GDF10: variants seen among roughly 807,000 people sequenced by gnomAD.
GDF10 encodes growth differentiation factor 10.
A neutral mutation model predicts 32.1 loss-of-function variants in GDF10; 23 were observed. The ratio of observed to expected loss-of-function variants is 0.72; its 90% CI spans 0.52 to 1.02. GDF10 has a LOEUF of 1.02. Ranked by LOEUF, GDF10 falls within the 50% of genes least tolerant of loss-of-function variation. The pLI is 0.00. For missense variants in GDF10, 764 were observed against 673.9 expected (o/e 1.13, Z -1.48); for synonymous variants, 328 against 303.1 (o/e 1.08, Z -0.85).
rs782087490 is a variant in GDF10, at chr10:47,300,688, G to A, written c.37G>A (p.Gly13Arg). The change falls in exon 1 of 3, where the codon GGG becomes AGG. Residue 13 changes from glycine (G) to arginine (R), a missense_variant. Transcript: ENST00000580279. ...CCCCGCTCGGACCAGCCCGGGACCC[G>A]GGCCCCAGCTGCTGCTGCTGCTGCT... ...HVPARTSPGP[G>R]PQLLLLLLPL... is the part of the protein sequence containing the mutation. 6.2e-7 allele frequency: 1 copy of A among 1,602,826 alleles called. No homozygotes were observed. The highest frequency in any genetic ancestry group is 8.5e-7 in the Non-Finnish European group (1 of 1,176,592).
chr10:47,310,392 C>A lies in GDF10; in HGVS notation c.916C>A (p.Leu306Met), dbSNP rs2061040838. Residue 306 changes from leucine to methionine, a missense_variant, in exon 2 of 3, where the codon CTG (leucine) becomes ATG (methionine). Physicochemically the swap from Leu to Met is conservative, Grantham distance 15. Transcript: ENST00000580279. ...CCTCCAGGACAACGAGCTGCCGGGG[C>A]TGGATGAGAGGCCGCCGCGCGCCCA... ...GPLQDNELPG[L>M]DERPPRAHAQ... The A allele has an allele frequency of 1.2e-6, 2 of 1,609,214 alleles. No homozygotes were observed. The highest frequency in any genetic ancestry group is 2.2e-5 in the East Asian group (1 of 44,780).
chr10:47,302,050 G>A (rs1335164652), intron 1 of GDF10, among the ~76,000 whole-genome samples: 1 of 152,202 alleles, frequency 6.6e-6, no homozygotes, highest in Non-Finnish European at 1.5e-5. Context: ...AGACTCACCA[G>A]GTCAGTGGCC....
chr10:47,300,866 A>G lies in GDF10; in HGVS notation c.215A>G (p.Gln72Arg). ...DAAATLGPSA[Q>R]DMVAVHMHRL... is the part of the protein sequence containing the mutation. ...GCCGCCACGTTGGGCCCCAGCGCCC[A>G]GGACATGGTCGCTGTCCACATGCAC... Residue 72 changes from glutamine to arginine, a missense_variant, in exon 1 of 3, where the codon CAG becomes CGG. Transcript: ENST00000580279. 2.5e-6 allele frequency: 4 copies of G among 1,587,816 alleles called. No homozygotes were observed. Among genetic ancestry groups the G allele is most frequent in the Non-Finnish European group, 3.4e-6 (4 of 1,174,778 alleles).
At chr10:47,307,984 C>G (rs1332060510) in intron 1 of GDF10, among the ~76,000 whole-genome samples, 6 of 152,176 alleles carry the variant, frequency 3.9e-5, no homozygotes, top group Admixed American at 3.9e-4. Flanking sequence ...AGGCTGTTGT[C>G]CCTGTGAGGC....
chr10:47,304,996 A>C (rs1318511266), intron 1 of GDF10, among the ~76,000 whole-genome samples: 1 of 152,176 alleles, frequency 6.6e-6, no homozygotes, highest in Non-Finnish European at 1.5e-5. Context: ...TTCTGGGACC[A>C]CTGTTGTGGT....
At chr10:47,302,245 G>A (rs1191574262) in intron 1 of GDF10, among the ~76,000 whole-genome samples, 1 of 152,208 alleles carries the variant, frequency 6.6e-6, no homozygotes, top group Admixed American at 6.5e-5. Flanking sequence ...AAATGGGCAA[G>A]GCTTGCCAAT....
intron 1 of GDF10, among the ~76,000 whole-genome samples, chr10:47,305,644 A>G (rs1381216398): frequency 2.6e-5 from 4 of 152,108 alleles, no homozygotes; most frequent in Non-Finnish European, 4.4e-5. Flanking sequence ...GAATCTTTTT[A>G]TATAGGGCAG....
At chr10:47,306,038 C>A (rs1024192637) in intron 1 of GDF10, among the ~76,000 whole-genome samples, 8 of 152,242 alleles carry the variant, frequency 5.3e-5, no homozygotes, top group African/African-American at 1.9e-4. Flanking sequence ...GTACAAGCCC[C>A]GACTCCACCC....
chr10:47,303,974 G>C (rs2061013634), intron 1 of GDF10, among the ~76,000 whole-genome samples: 1 of 152,336 alleles, frequency 6.6e-6, no homozygotes, highest in African/African-American at 2.4e-5. Flanking sequence ...GTAAGCAGCA[G>C]AATAGGGCAG....
chr10:47,309,688 G>T lies in GDF10; in HGVS notation c.320-108G>T, dbSNP rs2061035916. 7.1e-6 allele frequency: 5 copies of T among 707,354 alleles called. No individual in the cohort carries two copies. The Admixed American group carries it at 7.8e-5, about 11-fold the overall frequency. 43.8% of individuals were successfully genotyped at this position (707,354 alleles called of 1,614,324 possible). ...GGAAGCAAAGCGGGGGAGGAGGATG[G>T]TCCTGAAAGTGTGGATCGGTGGGCG... On this transcript the variant is annotated intron_variant, in intron 1 of 2. Transcript: ENST00000580279.
In GDF10 at chr10:47,310,216, A is replaced by G. The variant is rs1555207555; in HGVS notation, c.740A>G (p.Tyr247Cys). ...CCCTATGCGCCCTACATCCTAGTCTATGCCAACGATCTGGCCATCTCGGAG... is the reference window on the plus strand; with the variant it reads ...CCCTATGCGCCCTACATCCTAGTCTGTGCCAACGATCTGGCCATCTCGGAG... ...PSPYAPYILV[Y>C]ANDLAISEPN... Residue 247 changes from tyrosine to cysteine, a missense_variant, in exon 2 of 3, where the codon TAT (tyrosine) becomes TGT (cysteine). Transcript: ENST00000580279. The G allele has an allele frequency of 5.6e-6, 9 of 1,610,790 alleles. No homozygotes were observed. The highest frequency in any genetic ancestry group is 7.6e-6 in the Non-Finnish European group (9 of 1,178,788).
Position 47,312,967 on chromosome 10 carries a change from A to T in GDF10, c.*175A>T. On this transcript the variant is annotated 3_prime_UTR_variant, in exon 3 of 3. Transcript: ENST00000580279. ...ATTAGGGGGTCTTTCATTGCTAGTG[A>T]CTAGCCCCTTAAATGCCAGCCTGAG... 1 of 450,078 alleles carries T rather than the reference A, an allele frequency of 2.2e-6. No individual in the cohort carries two copies. The highest frequency in any genetic ancestry group is 3.9e-6 in the Non-Finnish European group (1 of 256,334). The allele number at this position is 450,078 out of a possible 1,614,324, so 27.9% of individuals were successfully genotyped here.
Position 47,309,945 on chromosome 10 carries a change from G to A in GDF10, c.469G>A (p.Ala157Thr), listed in dbSNP as rs919237814. The A allele has an allele frequency of 2.5e-6, 4 of 1,612,552 alleles. No individual in the cohort carries two copies. In the East Asian group the frequency reaches 6.7e-5, roughly 27 times the overall value. Residue 157 changes from alanine (A) to threonine (T), a missense_variant, in exon 2 of 3, where the codon GCT becomes ACT. By Grantham distance (58) the Ala-to-Thr change is moderately conservative. Coordinates refer to ENST00000580279, the MANE Select transcript of GDF10 (RefSeq NM_004962.5). ...EVLCKPRAKNASGRPLPLGPP... is the reference protein window; with the variant it reads ...EVLCKPRAKNTSGRPLPLGPP... Reference sequence around the variant, plus strand: ...GCTATGCAAGCCGCGGGCCAAGAACGCTTCAGGCCGCCCGCTGCCCCTGGG... The same window carrying A: ...GCTATGCAAGCCGCGGGCCAAGAACACTTCAGGCCGCCCGCTGCCCCTGGG...
chr10:47,304,016 G>T (rs2061013792), intron 1 of GDF10, among the ~76,000 whole-genome samples: 1 of 152,170 alleles, frequency 6.6e-6, no homozygotes. Context: ...AAGAAGGAGG[G>T]CAGGGGTGCT....
In GDF10 at chr10:47,309,827, C is replaced by T. The variant is rs1555207409; in HGVS notation, c.351C>T (p.Phe117=). The change falls in exon 2 of 3, where the codon TTC becomes TTT. Residue 117 remains phenylalanine, a synonymous_variant. Transcript: ENST00000580279. ...EVVDQKAVYF[F]NLTSMQDSEM... ...TCGACCAGAAGGCCGTGTATTTCTT[C>T]AACCTGACTTCCATGCAAGACTCGG... 6 of 1,612,180 alleles carry T rather than the reference C, an allele frequency of 3.7e-6. No homozygotes were observed. The highest frequency in any genetic ancestry group is 5.1e-6 in the Non-Finnish European group (6 of 1,179,190).
intron 2 of GDF10, among the ~76,000 whole-genome samples, chr10:47,311,461 G>A (rs1555207766): frequency 6.6e-6 from 1 of 152,194 alleles, no homozygotes; most frequent in East Asian, 1.9e-4. Context: ...CCCAGGGCAG[G>A]TCATGCCTTT....
chr10:47,310,065 C>T lies in GDF10; in HGVS notation c.589C>T (p.Pro197Ser). The T allele has an allele frequency of 6.2e-7, 1 of 1,605,794 alleles. No homozygotes were observed. Among genetic ancestry groups the T allele is most frequent in the Non-Finnish European group, 8.5e-7 (1 of 1,176,646 alleles). ...CGGGGCCATGGCCCTGGCGCCCCCA[C>T]CGCGCGGCCTGTGGCAGGCCAAGGA... ...LRGAMALAPP[P>S]RGLWQAKDIS... The change falls in exon 2 of 3, where the codon CCG (proline) becomes TCG (serine). Residue 197 changes from proline to serine, a missense_variant. Coordinates refer to ENST00000580279, the MANE Select transcript of GDF10 (RefSeq NM_004962.5).
At chr10:47,306,602 A>G (rs1346356907) in intron 1 of GDF10, among the ~76,000 whole-genome samples, 1 of 152,216 alleles carries the variant, frequency 6.6e-6, no homozygotes, top group Admixed American at 6.5e-5. Flanking sequence ...TTAGGAAGAT[A>G]AGAGCAGTAA....
In GDF10 at chr10:47,310,617, C is replaced by G; in HGVS notation, c.1141C>G (p.Leu381Val). Residue 381 changes from leucine to valine, a missense_variant, in exon 2 of 3, where the codon CTG (leucine) becomes GTG (valine). Transcript: ENST00000580279. Reference sequence around the variant, plus strand: ...GCCGAGGGTGTGCTCCCGGAGGTACCTGAAGGTGGACTTCGCAGACATCGG... The same window carrying G: ...GCCGAGGGTGTGCTCCCGGAGGTACGTGAAGGTGGACTTCGCAGACATCGG... ...DEPRVCSRRYLKVDFADIGWN... is the reference protein window; with the variant it reads ...DEPRVCSRRYVKVDFADIGWN... 1.2e-6 allele frequency: 2 copies of G among 1,614,136 alleles called. No individual in the cohort carries two copies. Among genetic ancestry groups the G allele is most frequent in the African/African-American group, 1.3e-5 (1 of 75,060 alleles).
Sources: allele counts gnomAD v4.1 joint callset (sites outside exome capture counted in the v4.1 genomes callset), GRCh38; gene constraint gnomAD v4.1.1; transcripts MANE v1.5; gene names NCBI Gene and HGNC (gene_info 2026-07-23, HGNC 2026-07-21).